CLIP2: variants seen among roughly 807,000 people sequenced by gnomAD.
CLIP2 encodes the protein CAP-Gly domain-containing linker protein 2.
Under a neutral mutation model 111.7 loss-of-function variants are expected in CLIP2, and 41 were observed. The observed-to-expected ratio is 0.37, with a 90% CI of 0.29 to 0.48. The LOEUF is 0.48. Ranked by LOEUF, CLIP2 falls within the 20% of genes least tolerant of loss-of-function variation. The pLI is 0.99. For synonymous variants in CLIP2, 660 were observed against 644.2 expected, an observed-to-expected ratio of 1.02 and a Z score of -0.37; for missense variants, 1,160 against 1,422.1, an observed-to-expected ratio of 0.82 and a Z score of 2.96.
At chr7:74,321,123 G>A (rs1469442756) in intron 2 of CLIP2, among the ~76,000 whole-genome samples, 3 of 152,120 alleles carry the variant, frequency 2.0e-5, no homozygotes, top group Admixed American at 6.6e-5. Flanking sequence ...TGGGATAATA[G>A]CATCTCCCTA....
chr7:74,348,072 C>G (rs902775143), intron 3 of CLIP2, among the ~76,000 whole-genome samples: 3 of 151,556 alleles, frequency 2.0e-5, no homozygotes, highest in Non-Finnish European at 4.4e-5. Context: ...CTCAGCTACT[C>G]GGGAGAATGA....
chr7:74,336,507 A>G (rs1199170357), intron 2 of CLIP2, among the ~76,000 whole-genome samples: 6 of 152,032 alleles, frequency 3.9e-5, no homozygotes, highest in African/African-American at 1.4e-4. Flanking sequence ...AGCCAAGCAG[A>G]AGGGGAAACC....
At chr7:74,316,791 A>G (rs1472704309) in intron 1 of CLIP2, among the ~76,000 whole-genome samples, 2 of 151,894 alleles carry the variant, frequency 1.3e-5, no homozygotes, top group Non-Finnish European at 2.9e-5. Context: ...TGAACTCCTG[A>G]CCTCAAGTGA....
At chr7:74,326,575 G>T (rs1789112506) in intron 2 of CLIP2, among the ~76,000 whole-genome samples, 1 of 151,986 alleles carries the variant, frequency 6.6e-6, no homozygotes, top group Admixed American at 6.6e-5. Flanking sequence ...GTGAGGCAAG[G>T]CCCACCTCCT....
At chr7:74,301,463 AC>A (rs1384530644) in intron 1 of CLIP2, among the ~76,000 whole-genome samples, 1 of 144,216 alleles carries the variant, frequency 6.9e-6, no homozygotes, top group Non-Finnish European at 1.5e-5. Flanking sequence ...GCTCACTGCA[AC>A]CTCCACCTCC....
chr7:74,368,001 C>G (rs1790507651), intron 8 of CLIP2, among the ~76,000 whole-genome samples: 1 of 152,006 alleles, frequency 6.6e-6, no homozygotes, highest in South Asian at 2.1e-4. Context: ...TTGATTAAGC[C>G]CAGAAGTTCG....
intron 5 of CLIP2, 69 bp from the exon 6 acceptor site, chr7:74,357,211 G>A: frequency 1.4e-6 from 2 of 1,429,034 alleles, no homozygotes; most frequent in Non-Finnish European, 9.8e-7. Context: ...AGATTAGGCT[G>A]GACAGAGCCA....
At chr7:74,329,287 C>T (rs906363621) in intron 2 of CLIP2, among the ~76,000 whole-genome samples, 2 of 151,866 alleles carry the variant, frequency 1.3e-5, no homozygotes, top group Non-Finnish European at 2.9e-5. Flanking sequence ...TCAAGTGATC[C>T]TCCCGCCTCG....
intron 1 of CLIP2, among the ~76,000 whole-genome samples, chr7:74,316,325 G>A (rs1788772999): frequency 6.6e-6 from 1 of 151,642 alleles, no homozygotes; most frequent in Admixed American, 6.6e-5. Context: ...GCTCACTGCA[G>A]CCTTGGCCTC....
intron 3 of CLIP2, 77 bp downstream of exon 3, chr7:74,339,081 C>G (rs1475367633): frequency 4.3e-6 from 6 of 1,404,350 alleles, no homozygotes; most frequent in Non-Finnish European, 9.6e-7. Flanking sequence ...CGAAGCTGGA[C>G]CCCCCTGGGC....
At chr7:74,334,572 G>T (rs1554731796) in intron 2 of CLIP2, among the ~76,000 whole-genome samples, 2 of 152,210 alleles carry the variant, frequency 1.3e-5, no homozygotes, top group Non-Finnish European at 1.5e-5. Flanking sequence ...GGCTACAGTG[G>T]TTCTGTTCAG....
intron 1 of CLIP2, among the ~76,000 whole-genome samples, chr7:74,313,572 A>AT (rs1554728782): frequency 2.6e-5 from 4 of 151,822 alleles, no homozygotes; most frequent in Non-Finnish European, 5.9e-5. Context: ...AAAAAAAAAA[A>AT]AATGAAGAGC....
At chr7:74,359,509 A>G (rs1190698382) in intron 6 of CLIP2, among the ~76,000 whole-genome samples, 2 of 150,288 alleles carry the variant, frequency 1.3e-5, no homozygotes, top group Non-Finnish European at 3.0e-5. Context: ...GCCCACCACC[A>G]CGCCCAGCTA....
intron 10 of CLIP2, among the ~76,000 whole-genome samples, chr7:74,378,286 C>A (rs1333294747): frequency 1.3e-5 from 2 of 151,650 alleles, no homozygotes; most frequent in Non-Finnish European, 2.9e-5. Flanking sequence ...CCCCACCACA[C>A]CTGGCTAATT....
intron 13 of CLIP2, among the ~76,000 whole-genome samples, chr7:74,391,820 AAAG>A (rs782065278): frequency 1.6e-3 from 250 of 152,168 alleles, no homozygotes; most frequent in Non-Finnish European, 2.2e-3. Context: ...ACTCTGTCTC[AAAG>A]AAGAAGAAGA....
At position 74,367,175 on chromosome 7, in the gene CLIP2, CTTTAT is replaced by C. The variant is rs530739835; in HGVS notation, c.1380+2864_1380+2868del. 3.7e-3 allele frequency among the ~76,000 whole-genome samples: 569 copies of C among 152,078 alleles called. 5 individuals are homozygous for C. Among genetic ancestry groups the C allele is most frequent in the African/African-American group, 0.013 (526 of 41,500 alleles). ...TATTCCAAAGAAGGTCACATTTGTT[CTTTAT>C]TTTGTTTAAAAAAAATTTTTTTTTT... On this transcript the variant is annotated intron_variant, in intron 8 of 16. Coordinates refer to ENST00000223398, the MANE Select transcript of CLIP2 (RefSeq NM_003388.5).
intron 1 of CLIP2, among the ~76,000 whole-genome samples, chr7:74,291,473 C>A (rs532134728): frequency 1.3e-5 from 2 of 152,212 alleles, no homozygotes; most frequent in African/African-American, 4.8e-5. Context: ...TCTGCCACTC[C>A]CTAGCTATGT....
chr7:74,401,409 C>G, intron 15 of CLIP2, 96 bp from the exon 16 acceptor site: 3 of 1,221,608 alleles, frequency 2.5e-6, no homozygotes, highest in South Asian at 2.6e-5. Flanking sequence ...AATTTGGAGC[C>G]TGAGACGGTC....
intron 2 of CLIP2, among the ~76,000 whole-genome samples, chr7:74,333,463 C>T (rs1274621037): frequency 2.7e-5 from 4 of 150,070 alleles, no homozygotes; most frequent in Admixed American, 2.0e-4. Context: ...GGATTACAGG[C>T]ATGAGCCACC....
Sources: gnomAD v4.1 joint callset for allele counts (sites outside exome capture counted in the v4.1 genomes callset) on GRCh38, gnomAD v4.1.1 for gene constraint, MANE v1.5 for transcripts, NCBI Gene and HGNC (gene_info 2026-07-23, HGNC 2026-07-21) for gene names.